SERPINB2: variants seen among roughly 807,000 people sequenced by gnomAD.
SERPINB2 encodes serpin family B member 2, also known as plasminogen activator inhibitor 2.
SERPINB2 carries 28 observed loss-of-function variants against 39.4 expected under a neutral mutation model. The ratio of observed to expected loss-of-function variants is 0.71; its 90% CI spans 0.53 to 0.97. The LOEUF is 0.97. Ranked by LOEUF, SERPINB2 falls within the 50% of genes least tolerant of loss-of-function variation. The pLI is 0.00. For synonymous variants in SERPINB2, 209 were observed against 175.1 expected, an observed-to-expected ratio of 1.19 and a Z score of -1.53; for missense variants, 557 against 505.3, an observed-to-expected ratio of 1.10 and a Z score of -0.98.
intron 5 of SERPINB2, among the ~76,000 whole-genome samples, chr18:63,900,490 C>T (rs1449949291): frequency 1.3e-5 from 2 of 152,124 alleles, no homozygotes; most frequent in Non-Finnish European, 2.9e-5. Context: ...CATGATTCCT[C>T]CTGCAGAGAA....
At chr18:63,901,652 AT>A in intron 5 of SERPINB2, 87 bp from the exon 6 acceptor site, 1 of 932,476 alleles carries the variant, frequency 1.1e-6, no homozygotes, top group Admixed American at 3.1e-5. Context: ...AATTTGAAGA[AT>A]TTAGTTTGAT....
Position 63,891,546 on chromosome 18 carries a change from C to T in SERPINB2, c.102C>T (p.Ser34=). Residue 34 remains serine (S), a synonymous_variant, in exon 2 of 8, where the codon AGC becomes AGT. Transcript: ENST00000299502. ...PTQNLFLSPW[S]ISSTMAMVYM... ...AGAACCTCTTCCTCTCCCCATGGAG[C>T]ATCTCGTCCACCATGGCCATGGTCT... 2.5e-6 allele frequency: 4 copies of T among 1,614,144 alleles called. No individual in the cohort carries two copies. Among genetic ancestry groups the T allele is most frequent in the East Asian group, 2.2e-5 (1 of 44,886 alleles).
At chr18:63,887,876 T>C (rs1599055014) in intron 1 of SERPINB2, 106 bp downstream of exon 1, 2 of 145,702 alleles carry the variant, frequency 1.4e-5, no homozygotes. Flanking sequence ...GGGGTGTTTG[T>C]AGAGGGCGAG....
At chr18:63,895,080 A>G (rs1383498464) in intron 2 of SERPINB2, among the ~76,000 whole-genome samples, 184 bp from the exon 3 acceptor site, 2 of 152,196 alleles carry the variant, frequency 1.3e-5, no homozygotes, top group Admixed American at 6.5e-5. Flanking sequence ...TCTATAAGGG[A>G]AATTTAGGTT....
intron 3 of SERPINB2, among the ~76,000 whole-genome samples, chr18:63,895,832 T>C (rs2049956118): frequency 6.6e-6 from 1 of 152,204 alleles, no homozygotes; most frequent in African/African-American, 2.4e-5. Flanking sequence ...ATCTAATCTA[T>C]CATCTATCAT....
In SERPINB2 at chr18:63,901,721, T is replaced by G. The variant is rs780358246; in HGVS notation, c.536-19T>G. ...AGTTCTTGATTATGAAACCTAAATATATGTTATGTTTTCTGTAGGCAAAAT... is the reference window on the plus strand; with the variant it reads ...AGTTCTTGATTATGAAACCTAAATAGATGTTATGTTTTCTGTAGGCAAAAT... On this transcript the variant is annotated intron_variant, in intron 5 of 7. Coordinates refer to ENST00000299502, the MANE Select transcript of SERPINB2 (RefSeq NM_002575.3). 2.6e-5 allele frequency: 39 copies of G among 1,511,040 alleles called. No individual in the cohort carries two copies. The highest frequency in any genetic ancestry group is 3.3e-5 in the Non-Finnish European group (38 of 1,136,872). 93.6% of individuals were successfully genotyped at this position (1,511,040 alleles called of 1,614,324 possible).
At position 63,903,352 on chromosome 18, in the gene SERPINB2, T is replaced by C. The variant is rs376870416; in HGVS notation, c.*47T>C. The C allele has an allele frequency of 9.0e-5, 132 of 1,461,820 alleles. No homozygotes were observed. The highest frequency in any genetic ancestry group is 1.2e-4 in the Non-Finnish European group (128 of 1,106,684). The allele number at this position is 1,461,820 out of a possible 1,614,324, so 90.6% of individuals were successfully genotyped here. On this transcript the variant is annotated 3_prime_UTR_variant, in exon 8 of 8. Coordinates refer to ENST00000299502, the MANE Select transcript of SERPINB2 (RefSeq NM_002575.3). ...AAAAGATTTTTGTAGATGAGCTGTG[T>C]GCCTCAGAATTGCTATTTCAAATTG... is the stretch of plus-strand genomic sequence containing the variant.
chr18:63,897,737 G>C lies in SERPINB2; in HGVS notation c.428G>C (p.Arg143Pro), dbSNP rs763497538. ...TTTCTTGCTTTAAAGGAATATATTC[G>C]ACTCTGTCAGAAATATTACTCCTCA... ...KSASFREEYIRLCQKYYSSEP... is the reference protein window; with the variant it reads ...KSASFREEYIPLCQKYYSSEP... Residue 143 changes from arginine to proline, a missense_variant, in exon 5 of 8, where the codon CGA becomes CCA. By Grantham distance (103) the Arg-to-Pro change is moderately radical (BLOSUM62 -2). Coordinates refer to ENST00000299502, the MANE Select transcript of SERPINB2 (RefSeq NM_002575.3). 3.8e-6 allele frequency: 6 copies of C among 1,599,588 alleles called. No individual in the cohort carries two copies. The highest frequency in any genetic ancestry group is 1.7e-4 in the Middle Eastern group (1 of 6,032).
intron 7 of SERPINB2, 85 bp downstream of exon 7, chr18:63,902,653 G>A: frequency 2.3e-6 from 3 of 1,324,718 alleles, no homozygotes; most frequent in Admixed American, 2.2e-5. Context: ...CAAATGGTGT[G>A]GTAATTTCTC....
intron 5 of SERPINB2, among the ~76,000 whole-genome samples, chr18:63,900,247 C>T (rs1544896): frequency 0.29 from 43,551 of 152,094 alleles, 6,830 homozygotes; most frequent in East Asian, 0.48. Flanking sequence ...TTATCATATA[C>T]ATCACAACAT....
At chr18:63,895,127 G>C (rs1468158652) in intron 2 of SERPINB2, 137 bp from the exon 3 acceptor site, 3 of 934,178 alleles carry the variant, frequency 3.2e-6, no homozygotes, top group East Asian at 5.1e-5. Context: ...AGAGTATTGA[G>C]TATCTATGGT....
intron 5 of SERPINB2, among the ~76,000 whole-genome samples, chr18:63,899,262 A>G (rs1013034151): frequency 6.6e-6 from 1 of 151,926 alleles, no homozygotes; most frequent in Non-Finnish European, 1.5e-5. Flanking sequence ...TGTTAGCCAT[A>G]TATGGCCTTA....
rs901371781 is a variant in SERPINB2 at position 63,902,150 on chromosome 18, G to A, written c.679-254G>A. On this transcript the variant is annotated intron_variant, in intron 6 of 7. Transcript: ENST00000299502. ...TGGCACGGTTCCTGGCCCATAGTAA[G>A]AACTAAACAAGTGTTTTAGAATTAT... Among the ~76,000 whole-genome samples, 7 of 152,080 alleles carry A rather than the reference G, an allele frequency of 4.6e-5. No homozygotes were observed. The South Asian group carries it at 6.2e-4, about 13-fold the overall frequency.
intron 6 of SERPINB2, 95 bp downstream of exon 6, chr18:63,901,977 C>G (rs773696014): frequency 3.1e-5 from 38 of 1,217,840 alleles, no homozygotes; most frequent in Non-Finnish European, 4.2e-5. Flanking sequence ...TATAGACTTG[C>G]TAGTTAGAAG....
intron 1 of SERPINB2, chr18:63,890,730 C>A (rs753044680): frequency 6.6e-6 from 1 of 152,108 alleles, no homozygotes; most frequent in Non-Finnish European, 1.5e-5. Flanking sequence ...GTAATGAACA[C>A]CCCAGTATAG....
At chr18:63,902,654 G>A (rs1270715425) in intron 7 of SERPINB2, 86 bp downstream of exon 7, 1 of 1,327,208 alleles carries the variant, frequency 7.5e-7, no homozygotes, top group Non-Finnish European at 1.0e-6. Flanking sequence ...AAATGGTGTG[G>A]TAATTTCTCA....
At chr18:63,890,332 T>C (rs946166945) in intron 1 of SERPINB2, among the ~76,000 whole-genome samples, 1 of 152,176 alleles carries the variant, frequency 6.6e-6, no homozygotes, top group Non-Finnish European at 1.5e-5. Flanking sequence ...CCAGAGGACA[T>C]GCTTCCTCCT....
At chr18:63,898,354 G>A (rs776235890) in intron 5 of SERPINB2, among the ~76,000 whole-genome samples, 1 of 152,080 alleles carries the variant, frequency 6.6e-6, no homozygotes, top group South Asian at 2.1e-4. Context: ...TCTAAGTCAC[G>A]TCTACCATTT....
Position 63,902,540 on chromosome 18 carries a change from T to C in SERPINB2, c.815T>C (p.Ile272Thr). The change falls in exon 7 of 8, where the codon ATT becomes ACT. Residue 272 changes from isoleucine to threonine, a missense_variant. By Grantham distance (89) the Ile-to-Thr change is moderately conservative. Coordinates refer to ENST00000299502, the MANE Select transcript of SERPINB2 (RefSeq NM_002575.3). ...VSMFLLLPDE[I>T]ADVSTGLELL... ...ATGTTCTTGTTGCTTCCAGATGAAA[T>C]TGCCGATGTGTCCACTGGCTTGGAG... is the stretch of plus-strand genomic sequence containing the variant. The C allele has an allele frequency of 6.2e-7, 1 of 1,613,412 alleles. No individual in the cohort carries two copies. The highest frequency in any genetic ancestry group is 8.5e-7 in the Non-Finnish European group (1 of 1,179,608).
Sources: allele counts gnomAD v4.1 joint callset (sites outside exome capture counted in the v4.1 genomes callset), GRCh38; gene constraint gnomAD v4.1.1; transcripts MANE v1.5; gene names NCBI Gene and HGNC (gene_info 2026-07-23, HGNC 2026-07-21).